Variants in TSPAN15 observed in about 807,000 individuals in gnomAD.
The protein encoded by TSPAN15 is tetraspanin 15.
TSPAN15 carries 20 observed loss-of-function variants against 34.5 expected under a neutral mutation model. The observed-to-expected ratio is 0.58, with a 90% CI of 0.41 to 0.84. The LOEUF (loss-of-function observed/expected upper bound fraction) is 0.84, where lower values mean the gene tolerates loss of function less well. Among genes scored for constraint, TSPAN15 ranks in the 40% least tolerant of loss-of-function variants. TSPAN15 has a pLI of 0.00. For missense variants in TSPAN15, 313 were observed against 386.1 expected (o/e 0.81, Z 1.59); for synonymous variants, 155 against 153.9 (o/e 1.01, Z -0.05).
At chr10:69,517,776 C>T in the TSPAN15 span, among the ~76,000 whole-genome samples, 1 of 152,204 alleles carries the variant, frequency 6.6e-6, no homozygotes, top group African/African-American at 2.4e-5. Context: ...GAGGAGGGCT[C>T]TGCCAGGGTT....
intron 3 of TSPAN15, among the ~76,000 whole-genome samples, chr10:69,486,432 T>A (rs1041323659): frequency 6.6e-6 from 1 of 152,202 alleles, no homozygotes; most frequent in African/African-American, 2.4e-5. Flanking sequence ...ATCTTTTTTT[T>A]TAAAAATAAT....
At chr10:69,516,382 C>G in the TSPAN15 span, among the ~76,000 whole-genome samples, 22 of 152,220 alleles carry the variant, frequency 1.4e-4, no homozygotes, top group African/African-American at 5.3e-4. Context: ...CTGCCTCCTT[C>G]CCCCACCAAT....
the TSPAN15 span, among the ~76,000 whole-genome samples, chr10:69,548,161 A>T: frequency 7.9e-5 from 12 of 152,044 alleles, no homozygotes; most frequent in Non-Finnish European, 1.6e-4. Context: ...GGGGGAAAGG[A>T]TCGGGGGCAG....
intron 1 of TSPAN15, among the ~76,000 whole-genome samples, chr10:69,477,205 G>A (rs1020750091): frequency 1.4e-4 from 21 of 152,066 alleles, no homozygotes; most frequent in African/African-American, 4.8e-4. Flanking sequence ...CACAATCTTG[G>A]CTCACTGCAA....
chr10:69,530,918 A>C, the TSPAN15 span, among the ~76,000 whole-genome samples: 117 of 139,784 alleles, frequency 8.4e-4, 8 homozygotes, highest in African/African-American at 2.9e-3. Flanking sequence ...TAAATGAAGG[A>C]TACTTTAAAG....
chr10:69,455,683 T>C (rs970031565), intron 1 of TSPAN15, among the ~76,000 whole-genome samples: 2 of 143,208 alleles, frequency 1.4e-5, no homozygotes, highest in African/African-American at 5.1e-5. Flanking sequence ...AGTGACACAG[T>C]GAGTATCTCT....
Position 69,506,936 on chromosome 10 carries a change from G to C in TSPAN15, c.843G>C (p.Val281=). 6.2e-7 allele frequency: 1 copy of C among 1,610,088 alleles called. No individual in the cohort carries two copies. The highest frequency in any genetic ancestry group is 1.3e-5 in the African/African-American group (1 of 75,036). ...TGGGGCCCGGTGCCAAGCCCAGCGT[G>C]GAGGCGGCAGGCACGGGATGCTGCT... ...GLLGPGAKPS[V]EAAGTGCCLC... The change falls in exon 8 of 8, where the codon GTG becomes GTC. Residue 281 remains valine (V), a synonymous_variant. Transcript: ENST00000373290. This position sits in a 1 kb window ranked among gnomAD's most constrained non-coding sequence, Gnocchi z 4.7.
chr10:69,522,990 AC>A, the TSPAN15 span, among the ~76,000 whole-genome samples: 1 of 147,912 alleles, frequency 6.8e-6, no homozygotes, highest in South Asian at 2.1e-4. Flanking sequence ...AGAAACCATC[AC>A]CAAATCCAAT....
chr10:69,518,281 A>G, the TSPAN15 span, among the ~76,000 whole-genome samples: 2 of 152,270 alleles, frequency 1.3e-5, no homozygotes, highest in African/African-American at 2.4e-5. Flanking sequence ...GGTTATGGAC[A>G]GAGCATCACT....
chr10:69,492,496 G>A (rs1841990384), intron 3 of TSPAN15, among the ~76,000 whole-genome samples: 1 of 152,172 alleles, frequency 6.6e-6, no homozygotes, highest in Non-Finnish European at 1.5e-5. Context: ...TGGGGGTTGG[G>A]GGCAGCTGCT....
At chr10:69,518,898 C>CT in the TSPAN15 span, among the ~76,000 whole-genome samples, 2 of 152,134 alleles carry the variant, frequency 1.3e-5, no homozygotes, top group African/African-American at 4.8e-5. Context: ...ACTCAACTGC[C>CT]TGTGGCCCAC....
chr10:69,468,537 A>C (rs1841438550), intron 1 of TSPAN15, among the ~76,000 whole-genome samples: 1 of 151,122 alleles, frequency 6.6e-6, no homozygotes, highest in Admixed American at 6.6e-5. Context: ...TTTTTTGAAA[A>C]AGTTAAACGC....
the TSPAN15 span, among the ~76,000 whole-genome samples, chr10:69,521,698 C>T: frequency 1.4e-5 from 2 of 147,998 alleles, no homozygotes; most frequent in Non-Finnish European, 3.0e-5. Context: ...TGCACCTGGA[C>T]ATCGGTGCTC....
chr10:69,461,180 T>G (rs1194322610), intron 1 of TSPAN15, among the ~76,000 whole-genome samples: 2 of 152,172 alleles, frequency 1.3e-5, no homozygotes, highest in African/African-American at 2.4e-5. Flanking sequence ...ATGTGCCTTG[T>G]CCCATTTTAT....
the TSPAN15 span, among the ~76,000 whole-genome samples, chr10:69,533,136 A>G: frequency 1.3e-5 from 2 of 152,184 alleles, no homozygotes; most frequent in Non-Finnish European, 2.9e-5. Flanking sequence ...TAAAGAACTA[A>G]AAGTAGCACT....
intron 1 of TSPAN15, among the ~76,000 whole-genome samples, chr10:69,473,762 G>A (rs1841555539): frequency 6.6e-6 from 1 of 152,108 alleles, no homozygotes; most frequent in Non-Finnish European, 1.5e-5. Flanking sequence ...TGTCCTCTTT[G>A]GAGACATGAG....
Position 69,501,390 on chromosome 10 carries a change from C to T in TSPAN15, c.570+2994C>T, listed in dbSNP as rs186275699. 1.0e-3 allele frequency among the ~76,000 whole-genome samples: 158 copies of T among 152,316 alleles called. 1 individual carries two copies. Among genetic ancestry groups the T allele is most frequent in the African/African-American group, 3.7e-3 (154 of 41,564 alleles). ...CCTGTGTTACACATGACCATTGAGT[C>T]TCCCTGTGCCACCACACCTGGATGA... is the stretch of plus-strand genomic sequence containing the variant. On this transcript the variant is annotated intron_variant, in intron 5 of 7. Transcript: ENST00000373290.
chr10:69,491,725 G>A (rs1841974176), intron 3 of TSPAN15, among the ~76,000 whole-genome samples: 1 of 152,194 alleles, frequency 6.6e-6, no homozygotes. Context: ...CCAGCCTCAG[G>A]TCTCAGGCTT....
At chr10:69,531,339 C>A in the TSPAN15 span, among the ~76,000 whole-genome samples, 13 of 151,810 alleles carry the variant, frequency 8.6e-5, no homozygotes, top group African/African-American at 3.1e-4. Flanking sequence ...TGGCTTATGC[C>A]TGTAATCCCA....
Sources: gnomAD v4.1 joint callset for allele counts (sites outside exome capture counted in the v4.1 genomes callset) on GRCh38, gnomAD v4.1.1 for gene constraint, Gnocchi (gnomAD v3.1) non-coding constraint, MANE v1.5 for transcripts, NCBI Gene and HGNC (gene_info 2026-07-23, HGNC 2026-07-21) for gene names.